MRLN: variants seen among roughly 807,000 people sequenced by gnomAD.
The protein encoded by MRLN is myoregulin.
At chr10:59,737,286 C>T in intron 2 of MRLN, 66 bp from the exon 3 acceptor site, 1 of 383,300 alleles carries the variant, frequency 2.6e-6, no homozygotes, top group Admixed American at 4.5e-5. Context: ...TCAACTCAAT[C>T]TAATATTTCC....
rs1840932737 is a variant in MRLN, at chr10:59,737,100, A to C, written c.101T>G (p.Val34Gly). Residue 34 changes from valine to glycine, a missense_variant, in exon 3 of 3, where the codon GTT becomes GGT. Physicochemically the swap from Val to Gly is moderately radical, Grantham distance 109 (BLOSUM62 -3). Coordinates refer to ENST00000414264, the MANE Select transcript of MRLN (RefSeq NM_001304731.2). ...AACATATATAATAGAAATTAAGTCAACAAAGATAACAAACAAAATTTTTAG... is the reference window on the plus strand; with the variant it reads ...AACATATATAATAGAAATTAAGTCACCAAAGATAACAAACAAAATTTTTAG... ...RLLKILFVIF[V>G]DLISIIYVVI... 1 of 397,972 alleles carries C rather than the reference A, an allele frequency of 2.5e-6. No individual in the cohort carries two copies. The highest frequency in any genetic ancestry group is 4.4e-6 in the Non-Finnish European group (1 of 225,468). 24.7% of individuals were successfully genotyped at this position (397,972 alleles called of 1,614,324 possible).
chr10:59,749,954 A>G (rs1841082266), intron 1 of MRLN, among the ~76,000 whole-genome samples: 1 of 150,700 alleles, frequency 6.6e-6, no homozygotes. Flanking sequence ...CTGAGGGTCC[A>G]TCTGATCACC....
chr10:59,746,862 G>A (rs904195949), intron 1 of MRLN, among the ~76,000 whole-genome samples: 10 of 152,042 alleles, frequency 6.6e-5, no homozygotes, highest in East Asian at 1.9e-4. Flanking sequence ...GCACGATGTC[G>A]GCTCACTGCA....
intron 1 of MRLN, chr10:59,744,092 A>G (rs1841014286): frequency 6.1e-6 from 1 of 164,106 alleles, no homozygotes; most frequent in Non-Finnish European, 1.3e-5. Context: ...CACCCCGTCT[A>G]GGAAGTGAGG....
chr10:59,745,306 C>A (rs1189617452), intron 1 of MRLN, among the ~76,000 whole-genome samples: 2 of 152,036 alleles, frequency 1.3e-5, no homozygotes, highest in African/African-American at 4.8e-5. Flanking sequence ...GTTAGGACAC[C>A]TTAAAAACTA....
rs760041234 is a variant in MRLN, at chr10:59,745,460, A to C, written c.-124-6898T>G. Among the ~76,000 whole-genome samples, 117 of 149,596 alleles carry C rather than the reference A, an allele frequency of 7.8e-4. 1 individual carries two copies. Among genetic ancestry groups the C allele is most frequent in the Middle Eastern group, 3.4e-3 (1 of 292 alleles). ...TTTGGGTCAGATTTTTTTTATGTTG[A>C]AACTTCAGATGACGGCAAATAATTC... is the stretch of plus-strand genomic sequence containing the variant. On this transcript the variant is annotated intron_variant, in intron 1 of 2. Coordinates refer to ENST00000414264, the MANE Select transcript of MRLN (RefSeq NM_001304731.2).
intron 1 of MRLN, among the ~76,000 whole-genome samples, chr10:59,749,573 A>G (rs1841078001): frequency 6.6e-6 from 1 of 152,166 alleles, no homozygotes; most frequent in Non-Finnish European, 1.5e-5. Context: ...TCGCACCTGT[A>G]GTCTCAGCTA....
chr10:59,742,393 C>T (rs1194500261), intron 1 of MRLN, among the ~76,000 whole-genome samples: 2 of 151,996 alleles, frequency 1.3e-5, no homozygotes, highest in African/African-American at 2.4e-5. Context: ...TTTATATAAA[C>T]TAGAAAAATA....
intron 1 of MRLN, among the ~76,000 whole-genome samples, chr10:59,740,046 G>A (rs575748776): frequency 4.0e-5 from 6 of 151,524 alleles, no homozygotes; most frequent in South Asian, 4.2e-4. Context: ...AGCTGAGATC[G>A]CGCCACTGCA....
Position 59,748,488 on chromosome 10 carries a change from C to T in MRLN, c.-125+4866G>A, listed in dbSNP as rs1429145332. Among the ~76,000 whole-genome samples, 11 of 152,206 alleles carry T rather than the reference C, an allele frequency of 7.2e-5. No homozygotes were observed. In the East Asian group the frequency reaches 1.5e-3, roughly 21 times the overall value. On this transcript the variant is annotated intron_variant, in intron 1 of 2. Coordinates refer to ENST00000414264, the MANE Select transcript of MRLN (RefSeq NM_001304731.2). ...TATGGGAATTAAATAATGCATATGG[C>T]TGTATGTTTAAATGATGGCAGGCAT...
chr10:59,743,312 T>C (rs1841004628), intron 1 of MRLN, among the ~76,000 whole-genome samples: 1 of 152,014 alleles, frequency 6.6e-6, no homozygotes, highest in Admixed American at 6.6e-5. Context: ...CTCATTACTG[T>C]TAGTCTTCCT....
At chr10:59,738,811 T>C (rs1418583406) in intron 1 of MRLN, 2 of 152,284 alleles carry the variant, frequency 1.3e-5, no homozygotes, top group East Asian at 3.9e-4. Flanking sequence ...GGGCAAACAT[T>C]CACCACACTT....
In MRLN at chr10:59,736,823, T is replaced by A; in HGVS notation, c.*237A>T. On this transcript the variant is annotated 3_prime_UTR_variant, in exon 3 of 3. Coordinates refer to ENST00000414264, the MANE Select transcript of MRLN (RefSeq NM_001304731.2). ...CCACACCTGGCTAAAAATCTAGAAG[T>A]TTCATGACTCAGTAGGATAGATGTT... 1 of 200,744 alleles carries A rather than the reference T, an allele frequency of 5.0e-6. No homozygotes were observed. 12.4% of individuals were successfully genotyped at this position (200,744 alleles called of 1,614,324 possible).
Position 59,744,585 on chromosome 10 carries a change from C to T in MRLN, c.-124-6023G>A, listed in dbSNP as rs539265435. Among the ~76,000 whole-genome samples, 599 of 152,276 alleles carry T rather than the reference C, an allele frequency of 3.9e-3. 4 individuals are homozygous for T. Among genetic ancestry groups the T allele is most frequent in the African/African-American group, 0.013 (546 of 41,556 alleles). On this transcript the variant is annotated intron_variant, in intron 1 of 2. Coordinates refer to ENST00000414264, the MANE Select transcript of MRLN (RefSeq NM_001304731.2). ...CTGGGAAGTGAGGAGCCCCTCTGCC[C>T]AGCCGCCACCCGGTCTGGGAGGTGT...
At chr10:59,749,261 A>G (rs1347166801) in intron 1 of MRLN, among the ~76,000 whole-genome samples, 1 of 152,242 alleles carries the variant, frequency 6.6e-6, no homozygotes, top group African/African-American at 2.4e-5. Flanking sequence ...CTTATTCAAA[A>G]ATACAGAAAC....
intron 1 of MRLN, among the ~76,000 whole-genome samples, chr10:59,748,375 G>A (rs543681683): frequency 9.2e-5 from 14 of 152,118 alleles, no homozygotes; most frequent in South Asian, 6.2e-4. Flanking sequence ...AATTCTGCCC[G>A]AAGTTGAATT....
intron 1 of MRLN, among the ~76,000 whole-genome samples, chr10:59,746,025 A>G (rs1841040809): frequency 6.6e-6 from 1 of 152,202 alleles, no homozygotes; most frequent in African/African-American, 2.4e-5. Context: ...TCTCTTTATT[A>G]AGTGTGGATT....
Position 59,743,420 on chromosome 10 carries a change from G to A in MRLN, c.-124-4858C>T, listed in dbSNP as rs1004940656. Among the ~76,000 whole-genome samples, 6 of 152,096 alleles carry A rather than the reference G, an allele frequency of 3.9e-5. No individual in the cohort carries two copies. In the East Asian group the frequency reaches 5.8e-4, roughly 15 times the overall value. ...TGAAAGGAAAATTACATTTATCAACGAAACATTTTAATGAAAGTATGTAAC... is the reference window on the plus strand; with the variant it reads ...TGAAAGGAAAATTACATTTATCAACAAAACATTTTAATGAAAGTATGTAAC... On this transcript the variant is annotated intron_variant, in intron 1 of 2. Coordinates refer to ENST00000414264, the MANE Select transcript of MRLN (RefSeq NM_001304731.2).
At chr10:59,747,063 G>A (rs988662598) in intron 1 of MRLN, among the ~76,000 whole-genome samples, 5 of 152,178 alleles carry the variant, frequency 3.3e-5, no homozygotes, top group Non-Finnish European at 7.3e-5. Flanking sequence ...TCCTCCCAAA[G>A]TGCTGGGATT....
Sources: allele counts gnomAD v4.1 joint callset (sites outside exome capture counted in the v4.1 genomes callset), GRCh38; gene constraint gnomAD v4.1.1; transcripts MANE v1.5; gene names NCBI Gene and HGNC (gene_info 2026-07-23, HGNC 2026-07-21).